The following BMPER variants were observed in gnomAD, a reference collection of about 807,000 sequenced individuals.
BMPER encodes BMP-binding endothelial regulator protein.
BMPER carries 45 observed loss-of-function variants against 87.3 expected under a neutral mutation model. The observed-to-expected ratio is 0.52, with a 90% confidence interval of 0.41 to 0.66. The LOEUF (loss-of-function observed/expected upper bound fraction) is 0.66, where lower values mean the gene tolerates loss of function less well. Among genes scored for constraint, BMPER ranks in the 30% least tolerant of loss-of-function variants. The probability of loss-of-function intolerance (pLI) is 0.00; values close to 1 mark genes in which losing one functional copy is unlikely to be tolerated. For missense variants in BMPER, 784 were observed against 867.5 expected (o/e 0.90, Z 1.21); for synonymous variants, 326 against 316.2 (o/e 1.03, Z -0.33).
At chr7:33,978,526 A>G (rs1785753931) in intron 6 of BMPER, among the ~76,000 whole-genome samples, 1 of 152,176 alleles carries the variant, frequency 6.6e-6, no homozygotes, top group African/African-American at 2.4e-5. Flanking sequence ...TGAAATATCT[A>G]CACACCAACT....
At chr7:34,077,191 G>A (rs1162988353) in intron 11 of BMPER, among the ~76,000 whole-genome samples, 1 of 152,138 alleles carries the variant, frequency 6.6e-6, no homozygotes, top group Non-Finnish European at 1.5e-5. Context: ...AGAATGTTGG[G>A]GGAAATGTGG....
intron 3 of BMPER, among the ~76,000 whole-genome samples, chr7:33,942,529 G>C (rs530109749): frequency 6.6e-6 from 1 of 152,272 alleles, no homozygotes; most frequent in Admixed American, 6.5e-5. Flanking sequence ...GCCCCTGACT[G>C]TGTATTTTTA....
intron 13 of BMPER, among the ~76,000 whole-genome samples, chr7:34,099,722 G>A (rs1789626560): frequency 6.6e-6 from 1 of 152,144 alleles, no homozygotes; most frequent in East Asian, 1.9e-4. Flanking sequence ...TAATTCCAAT[G>A]TCATGTGCTT....
intron 6 of BMPER, among the ~76,000 whole-genome samples, chr7:34,044,348 A>C (rs991009586): frequency 2.6e-4 from 40 of 152,326 alleles, no homozygotes; most frequent in African/African-American, 9.6e-4. Context: ...ATAGATGCTG[A>C]TCCAACAAGA....
chr7:34,132,682 G>A (rs185729847), intron 13 of BMPER, among the ~76,000 whole-genome samples: 1 of 152,244 alleles, frequency 6.6e-6, no homozygotes, highest in African/African-American at 2.4e-5. Flanking sequence ...TCTGGGCTGG[G>A]GGCTTTTAAA....
chr7:34,115,675 C>A (rs981870476), intron 13 of BMPER, among the ~76,000 whole-genome samples: 3 of 152,310 alleles, frequency 2.0e-5, no homozygotes, highest in African/African-American at 7.2e-5. Context: ...TAACTCAGTC[C>A]TTTTCATGGT....
intron 2 of BMPER, among the ~76,000 whole-genome samples, chr7:33,917,863 C>T (rs1342997992): frequency 2.6e-5 from 4 of 152,182 alleles, no homozygotes; most frequent in African/African-American, 9.7e-5. Flanking sequence ...TCTGGTGGCA[C>T]TACTGGCCTC....
intron 6 of BMPER, among the ~76,000 whole-genome samples, chr7:34,022,698 G>A (rs1053308975): frequency 3.0e-4 from 44 of 144,294 alleles, no homozygotes; most frequent in African/African-American, 1.0e-3. Flanking sequence ...ATCCCTTTAA[G>A]GTTTGCCAAA....
intron 6 of BMPER, among the ~76,000 whole-genome samples, chr7:34,021,429 G>T (rs368734250): frequency 1.3e-5 from 2 of 151,970 alleles, no homozygotes; most frequent in East Asian, 1.9e-4. Context: ...AGTATTTATT[G>T]GTCCTATATA....
intron 13 of BMPER, among the ~76,000 whole-genome samples, chr7:34,128,871 C>T (rs1163337064): frequency 6.6e-6 from 1 of 152,126 alleles, no homozygotes; most frequent in Non-Finnish European, 1.5e-5. Context: ...AGATGTACGA[C>T]CATCTGGCAG....
intron 7 of BMPER, among the ~76,000 whole-genome samples, chr7:34,049,020 C>T (rs1442142573): frequency 6.6e-6 from 1 of 152,168 alleles, no homozygotes. Context: ...AAATCTTAGT[C>T]TAATTAGACT....
rs546583959 is a variant in BMPER at position 34,072,960 on chromosome 7, A to AT, written c.1079-5889dup. Reference sequence around the variant, plus strand: ...CCCATAATGTTCCTGACTTTTCAGAATTTTTTTTCCTAATAGTCTCTTTAT... The same window carrying AT: ...CCCATAATGTTCCTGACTTTTCAGAATTTTTTTTTCCTAATAGTCTCTTTAT... On this transcript the variant is annotated intron_variant, in intron 11 of 14. Transcript: ENST00000649409. Among the ~76,000 whole-genome samples, 23 of 151,890 alleles carry AT rather than the reference A, an allele frequency of 1.5e-4. No individual in the cohort carries two copies. In the South Asian group the frequency reaches 4.2e-3, roughly 27 times the overall value.
intron 13 of BMPER, among the ~76,000 whole-genome samples, chr7:34,130,476 G>A (rs1790555734): frequency 6.6e-6 from 1 of 152,284 alleles, no homozygotes; most frequent in East Asian, 1.9e-4. Context: ...TCACTTTGAG[G>A]CCATTTAACC....
chr7:33,934,338 C>G (rs1228094212), intron 2 of BMPER, among the ~76,000 whole-genome samples: 1 of 152,062 alleles, frequency 6.6e-6, no homozygotes, highest in Non-Finnish European at 1.5e-5. Context: ...TCTTGGAAGG[C>G]CTGGGATTCC....
At chr7:34,040,525 A>C (rs976062263) in intron 6 of BMPER, among the ~76,000 whole-genome samples, 2 of 148,262 alleles carry the variant, frequency 1.3e-5, no homozygotes, top group African/African-American at 2.5e-5. Flanking sequence ...GCTGTCAATA[A>C]TTTTTTTTTT....
intron 6 of BMPER, among the ~76,000 whole-genome samples, chr7:34,022,176 G>A (rs566538904): frequency 6.6e-6 from 1 of 152,128 alleles, no homozygotes; most frequent in Admixed American, 6.5e-5. Flanking sequence ...AAACTACAAG[G>A]TTCTGGAAGC....
chr7:33,905,763 GAGGGACCGGCCCTCCGGGACGCCGGTT>G lies in BMPER; in HGVS notation c.133+18_133+44del. On this transcript the variant is annotated intron_variant, in intron 1 of 14. Coordinates refer to ENST00000649409, the MANE Select transcript of BMPER (RefSeq NM_001365308.1). ...TCTTGACAGGTAGGGGAGGGGGCGG[GAGGGACCGGCCCTCCGGGACGCCGGTT>G]TGGTACCTGGGAAAGGTGGCGCTGG... 1 of 1,561,538 alleles carries G rather than the reference GAGGGACCGGCCCTCCGGGACGCCGGTT, an allele frequency of 6.4e-7. No homozygotes were observed.
At chr7:34,086,788 A>G (rs920058543) in intron 13 of BMPER, among the ~76,000 whole-genome samples, 1 of 152,170 alleles carries the variant, frequency 6.6e-6, no homozygotes, top group Non-Finnish European at 1.5e-5. Flanking sequence ...TGACTTCCGC[A>G]CTGCAAGGTT....
chr7:34,087,781 C>T (rs1585819542), intron 13 of BMPER, among the ~76,000 whole-genome samples: 1 of 152,264 alleles, frequency 6.6e-6, no homozygotes, highest in East Asian at 1.9e-4. Flanking sequence ...TCTCCCAGGG[C>T]CAAGCAGCCT....
Sources: allele counts gnomAD v4.1 joint callset (sites outside exome capture counted in the v4.1 genomes callset), GRCh38; gene constraint gnomAD v4.1.1; transcripts MANE v1.5; gene names NCBI Gene and HGNC (gene_info 2026-07-23, HGNC 2026-07-21).